The following MGAT4C variants were observed in gnomAD, a reference collection of about 807,000 sequenced individuals.
MGAT4C encodes the protein alpha-1,3-mannosyl-glycoprotein 4-beta-N-acetylglucosaminyltransferase C.
In MGAT4C, 19 loss-of-function variants were observed where a neutral mutation model predicts 40.1. That is an observed-to-expected ratio of 0.47 (90% confidence interval 0.33 to 0.70). The LOEUF (loss-of-function observed/expected upper bound fraction) is 0.70, where lower values mean the gene tolerates loss of function less well. MGAT4C is among the 30% of genes least tolerant of loss of function. MGAT4C has a pLI of 0.02. For synonymous variants in MGAT4C, 181 were observed against 187.1 expected, an observed-to-expected ratio of 0.97 and a Z score of 0.27; for missense variants, 491 against 563.2, an observed-to-expected ratio of 0.87 and a Z score of 1.30.
At chr12:86,166,112 G>C (rs1442044902) in intron 1 of MGAT4C, among the ~76,000 whole-genome samples, 1 of 152,096 alleles carries the variant, frequency 6.6e-6, no homozygotes, top group Non-Finnish European at 1.5e-5. Flanking sequence ...TTATCTTTGA[G>C]TCATATCTAA....
rs554716673 is a variant in MGAT4C, at chr12:86,023,261, A to AT, written c.-7+26412dup. ...TCTTTATTTTGCAGAGGCAAAGTCA[A>AT]TTTTTTTTTCTGGTATGTAAGGTCT... On this transcript the variant is annotated intron_variant, in intron 2 of 4. Transcript: ENST00000611864. 1.5e-4 allele frequency among the ~76,000 whole-genome samples: 22 copies of AT among 151,302 alleles called. No homozygotes were observed. In the South Asian group the frequency reaches 1.5e-3, roughly 10 times the overall value.
intron 1 of MGAT4C, among the ~76,000 whole-genome samples, chr12:86,182,587 C>T (rs997389899): frequency 2.7e-5 from 4 of 150,852 alleles, no homozygotes; most frequent in Non-Finnish European, 4.4e-5. Flanking sequence ...CTTCTTTCTT[C>T]TCTCTCTTTA....
Position 86,686,323 on chromosome 12 carries a change from CTTTA to C in MGAT4C, c.-229+40882_-229+40885del, listed in dbSNP as rs1400343467. On this transcript the variant is annotated intron_variant, in intron 2 of 7. Coordinates refer to the MGAT4C transcript ENST00000548651. Reference sequence around the variant, plus strand: ...CTTCCTCTCTTCCTATTTGAATATCCTTTATTTCTTTCTCTTGCCTGATTGCCTG... The same window carrying C: ...CTTCCTCTCTTCCTATTTGAATATCCTTTCTTTCTCTTGCCTGATTGCCTG... 4.6e-5 allele frequency among the ~76,000 whole-genome samples: 7 copies of C among 152,196 alleles called. No homozygotes were observed. In the East Asian group the frequency reaches 9.7e-4, roughly 21 times the overall value.
At chr12:86,508,557 C>A (rs1592933112) in intron 2 of MGAT4C, among the ~76,000 whole-genome samples, 1 of 152,096 alleles carries the variant, frequency 6.6e-6, no homozygotes, top group Non-Finnish European at 1.5e-5. Context: ...GATTTATACT[C>A]CTTTGGGTAT....
intron 2 of MGAT4C, among the ~76,000 whole-genome samples, chr12:86,634,736 C>T (rs1407442972): frequency 6.6e-6 from 1 of 152,082 alleles, no homozygotes; most frequent in African/African-American, 2.4e-5. Flanking sequence ...AGACAACTTG[C>T]CTCTTCAGGA....
chr12:86,405,948 ATG>A (rs1294541963), intron 3 of MGAT4C, among the ~76,000 whole-genome samples: 11 of 3,296 alleles, frequency 3.3e-3, no homozygotes, highest in Non-Finnish European at 4.5e-3. Context: ...TTATAAATAC[ATG>A]TATGTATTTA....
At position 86,638,983 on chromosome 12, in the gene MGAT4C, A is replaced by G. The variant is rs796442170; in HGVS notation, c.-229+88226T>C. ...AGTGCAATATGATGTAAAAAATGTC[A>G]TTTTAAAAAATAATATTTCTATCTA... On this transcript the variant is annotated intron_variant, in intron 2 of 7. Coordinates refer to the MGAT4C transcript ENST00000548651. 9.2e-5 allele frequency among the ~76,000 whole-genome samples: 14 copies of G among 151,960 alleles called. 1 individual carries two copies. The highest frequency in any genetic ancestry group is 3.1e-4 in the African/African-American group (13 of 41,540).
At chr12:86,145,390 T>C (rs1439736503) in intron 1 of MGAT4C, among the ~76,000 whole-genome samples, 1 of 152,150 alleles carries the variant, frequency 6.6e-6, no homozygotes, top group East Asian at 1.9e-4. Context: ...TATGGGCCCT[T>C]GTGCAAGAAA....
intron 4 of MGAT4C, among the ~76,000 whole-genome samples, chr12:86,288,472 T>C (rs1953414122): frequency 6.6e-6 from 1 of 152,290 alleles, no homozygotes; most frequent in Admixed American, 6.5e-5. Flanking sequence ...GGGTTTTATA[T>C]GGTTTTAGGT....
chr12:86,474,222 G>T (rs1360316334), intron 2 of MGAT4C, among the ~76,000 whole-genome samples: 2 of 151,594 alleles, frequency 1.3e-5, no homozygotes, highest in Non-Finnish European at 2.9e-5. Context: ...TCCTTTGTAG[G>T]GACATGGATG....
intron 2 of MGAT4C, chr12:86,028,239 T>A (rs565599331): frequency 8.4e-7 from 1 of 1,191,098 alleles, no homozygotes; most frequent in East Asian, 5.7e-5. Context: ...TCTTTTTCAT[T>A]ATTATTAAAA....
At chr12:86,138,993 C>T (rs1882440386) in intron 1 of MGAT4C, among the ~76,000 whole-genome samples, 1 of 152,068 alleles carries the variant, frequency 6.6e-6, no homozygotes, top group Non-Finnish European at 1.5e-5. Flanking sequence ...ATGGAAAATG[C>T]TGTGTCCTTC....
intron 1 of MGAT4C, among the ~76,000 whole-genome samples, chr12:86,131,346 G>T (rs1881147529): frequency 6.6e-6 from 1 of 151,936 alleles, no homozygotes; most frequent in Non-Finnish European, 1.5e-5. Flanking sequence ...TTCTGTCCTT[G>T]TTTTAAGATG....
intron 2 of MGAT4C, among the ~76,000 whole-genome samples, chr12:86,726,226 A>G (rs901989240): frequency 2.6e-4 from 40 of 152,230 alleles, no homozygotes; most frequent in Non-Finnish European, 8.8e-5. Context: ...GAAAAAGTTT[A>G]TTAAATCAGG....
chr12:86,319,121 T>C (rs935171717), intron 4 of MGAT4C, among the ~76,000 whole-genome samples: 1 of 152,148 alleles, frequency 6.6e-6, no homozygotes, highest in Admixed American at 6.6e-5. Context: ...GATAACTACC[T>C]ACTCCTTTCT....
At chr12:86,667,452 C>A (rs2136558540) in intron 2 of MGAT4C, among the ~76,000 whole-genome samples, 1 of 152,262 alleles carries the variant, frequency 6.6e-6, no homozygotes, top group East Asian at 1.9e-4. Context: ...AATTCGTACT[C>A]CTATTATCTG....
chr12:85,986,286 T>C (rs1011322963), intron 3 of MGAT4C, among the ~76,000 whole-genome samples: 1 of 152,186 alleles, frequency 6.6e-6, no homozygotes. Flanking sequence ...AAGACAAAGC[T>C]TTATGACAAT....
intron 2 of MGAT4C, among the ~76,000 whole-genome samples, chr12:86,037,414 C>T (rs530258821): frequency 1.3e-5 from 2 of 150,226 alleles, no homozygotes; most frequent in South Asian, 2.1e-4. Context: ...CCTGCTTTCT[C>T]TTGTGGGCAT....
chr12:86,394,267 T>C (rs1291091245), intron 3 of MGAT4C, among the ~76,000 whole-genome samples: 1 of 152,022 alleles, frequency 6.6e-6, no homozygotes, highest in Admixed American at 6.6e-5. Flanking sequence ...TATTTGCTTT[T>C]CAAGACATAC....
Sources: gnomAD v4.1 joint callset for allele counts (sites outside exome capture counted in the v4.1 genomes callset) on GRCh38, gnomAD v4.1.1 for gene constraint, MANE v1.5 for transcripts, NCBI Gene and HGNC (gene_info 2026-07-23, HGNC 2026-07-21) for gene names.